Variants in CFAP43 observed in about 807,000 individuals in gnomAD.
CFAP43 encodes cilia- and flagella-associated protein 43.
In CFAP43, 155 loss-of-function variants were observed where a neutral mutation model predicts 218.9. The observed-to-expected ratio is 0.71, with a 90% CI of 0.62 to 0.81. CFAP43 has a LOEUF of 0.81. Among genes scored for constraint, CFAP43 ranks in the 30% least tolerant of loss-of-function variants. The pLI is 0.00. For synonymous variants in CFAP43, 645 were observed against 681.3 expected, an observed-to-expected ratio of 0.95 and a Z score of 0.83; for missense variants, 1,778 against 1,954.3, an observed-to-expected ratio of 0.91 and a Z score of 1.70.
chr10:104,217,120 G>A (rs75580830), intron 3 of CFAP43, among the ~76,000 whole-genome samples: 41 of 152,282 alleles, frequency 2.7e-4, no homozygotes, highest in African/African-American at 9.4e-4. Flanking sequence ...AAGGGCATGT[G>A]TCCCTCAGCA....
At position 104,168,825 on chromosome 10, in the gene CFAP43, AT is replaced by A. The variant is rs1262184082; in HGVS notation, c.2609del (p.His870LeufsTer3). Reference protein sequence around the residue: ...VAKMIKDVEMHNLAKSYLAEL... With the variant: ...VAKMIKDVEMXNLAKSYLAEL... Reference sequence around the variant, plus strand: ...CAGCCAAATAGCTCTTGGCTAAGTTATGCATCTCTACATCCTTTATCATCTT... The same window carrying A: ...CAGCCAAATAGCTCTTGGCTAAGTTAGCATCTCTACATCCTTTATCATCTT... On this transcript the variant is annotated frameshift_variant, in exon 21 of 38. Coordinates refer to ENST00000357060, the MANE Select transcript of CFAP43 (RefSeq NM_025145.7). LOFTEE classifies it high-confidence loss of function. The A allele has an allele frequency of 6.8e-6, 11 of 1,613,394 alleles. No individual in the cohort carries two copies. The highest frequency in any genetic ancestry group is 8.5e-6 in the Non-Finnish European group (10 of 1,179,676).
rs140467424 is a variant in CFAP43, at chr10:104,230,821, G to T, written c.88C>A (p.Gln30Lys). ...TTGTCGTTGACAAAATGAACATTCT[G>T]CTTAGGGAATCCTTGCACCCATCTT... ...SVRWVQGFPK[Q>K]NVHFVNDNTI... Residue 30 changes from glutamine to lysine, a missense_variant, in exon 2 of 38, where the codon CAG becomes AAG. Physicochemically the swap from Gln to Lys is moderately conservative, Grantham distance 53. This residue lies in a region of CFAP43 where 1,553 missense variants were observed against 1,685.2 expected (regional missense o/e 0.92). Transcript: ENST00000357060. The T allele has an allele frequency of 6.2e-7, 1 of 1,612,368 alleles. No individual in the cohort carries two copies. Among genetic ancestry groups the T allele is most frequent in the Non-Finnish European group, 8.5e-7 (1 of 1,179,550 alleles).
chr10:104,225,508 G>A lies in CFAP43; in HGVS notation c.369C>T (p.Thr123=). Residue 123 remains threonine, a synonymous_variant, in exon 3 of 38, where the codon ACC becomes ACT. Transcript: ENST00000357060. ...YTLLSFSYCG[T]YLASYSSLPE... The stretch of plus-strand genomic sequence containing the variant: ...GGAGAGAGGAGTAACTAGCCAGGTA[G>A]GTGCCACAGTAACTGAATGAAAGTA... 1 of 1,612,938 alleles carries A rather than the reference G, an allele frequency of 6.2e-7. No homozygotes were observed. The highest frequency in any genetic ancestry group is 8.5e-7 in the Non-Finnish European group (1 of 1,179,340).
intron 27 of CFAP43, among the ~76,000 whole-genome samples, chr10:104,153,210 T>C (rs1384249654): frequency 6.6e-6 from 1 of 152,212 alleles, no homozygotes; most frequent in Non-Finnish European, 1.5e-5. Context: ...GTTTTGTCTC[T>C]CCAAACAGTT....
chr10:104,146,151 A>T, intron 30 of CFAP43, 112 bp downstream of exon 30: 1 of 787,594 alleles, frequency 1.3e-6, no homozygotes, highest in Non-Finnish European at 2.1e-6. Context: ...GCTGAGAATT[A>T]AGTGGGAGAA....
Position 104,192,304 on chromosome 10 carries a change from T to C in CFAP43, c.1443-2A>G. The C allele has an allele frequency of 6.2e-7, 1 of 1,604,856 alleles. No homozygotes were observed. The highest frequency in any genetic ancestry group is 8.5e-7 in the Non-Finnish European group (1 of 1,173,046). The stretch of plus-strand genomic sequence containing the variant: ...AGAAATATTCCTTGCTGATCATAAC[T>C]AGAAAAGAAGAAATCTGATGATCAA... On this transcript the variant is annotated splice_acceptor_variant, in intron 11 of 37. Transcript: ENST00000357060. LOFTEE classifies it high-confidence loss of function.
chr10:104,198,014 C>A lies in CFAP43; in HGVS notation c.1120G>T (p.Gly374Cys). ...DKGSVYIYTF[G>C]KEPTLNKVLD... The stretch of plus-strand genomic sequence containing the variant: ...ACTTTATTTAAGGTTGGCTCCTTAC[C>A]AAAAGTGTAGATATAAACAGATCCC... Residue 374 changes from glycine to cysteine, a missense_variant, in exon 9 of 38, where the codon GGT becomes TGT. By Grantham distance (159) the Gly-to-Cys change is radical (BLOSUM62 -3). Coordinates refer to ENST00000357060, the MANE Select transcript of CFAP43 (RefSeq NM_025145.7). 6.2e-7 allele frequency: 1 copy of A among 1,611,378 alleles called. No individual in the cohort carries two copies. The highest frequency in any genetic ancestry group is 1.1e-5 in the South Asian group (1 of 90,882).
chr10:104,186,100 A>G lies in CFAP43; in HGVS notation c.1884T>C (p.Leu628=), dbSNP rs575815767. Residue 628 remains leucine (L), a synonymous_variant, in exon 15 of 38, where the codon CTT becomes CTC. Transcript: ENST00000357060. Reference sequence around the variant, plus strand: ...TGCTTTGTACTTTTTTGTATGGTTTAAGAATGTAGATACCGGTATGTTCCT... The same window carrying G: ...TGCTTTGTACTTTTTTGTATGGTTTGAGAATGTAGATACCGGTATGTTCCT... ...PEEEHTGIYI[L]KPYKKVQSRQ... The G allele has an allele frequency of 7.7e-6, 12 of 1,549,984 alleles. No individual in the cohort carries two copies. The African/African-American group carries it at 1.5e-4, about 20-fold the overall frequency.
chr10:104,160,151 A>T lies in CFAP43; in HGVS notation c.3540+886T>A, dbSNP rs79894458. Among the ~76,000 whole-genome samples the T allele has an allele frequency of 2.0e-5, 3 of 152,196 alleles. No individual in the cohort carries two copies. The East Asian group carries it at 5.8e-4, about 29-fold the overall frequency. On this transcript the variant is annotated intron_variant, in intron 27 of 37. Coordinates refer to ENST00000357060, the MANE Select transcript of CFAP43 (RefSeq NM_025145.7). ...AGGGACATGAGGGTGCAGGCAGTGG[A>T]CTATCTTACAACACAAAACTGTGGA...
chr10:104,131,274 T>G lies in CFAP43; in HGVS notation c.4831+57A>C, dbSNP rs928289915. ...TTTAACTGTTGTATACATTTTAGGA[T>G]TACTGATTACTTTTAAAGAAACCTA... On this transcript the variant is annotated intron_variant, in intron 37 of 37. Transcript: ENST00000357060. 2.3e-5 allele frequency: 36 copies of G among 1,564,110 alleles called. No individual in the cohort carries two copies. In the East Asian group the frequency reaches 7.2e-4, roughly 31 times the overall value.
rs1464103198 is a variant in CFAP43, at chr10:104,168,728, G to T, written c.2691+16C>A. 2.5e-6 allele frequency: 4 copies of T among 1,593,920 alleles called. No homozygotes were observed. The highest frequency in any genetic ancestry group is 3.4e-6 in the Non-Finnish European group (4 of 1,162,312). ...CAATTCTCATCAGGTTTTGTACCTA[G>T]GGTTCTATCTGTTACCTTAAGAGCT... On this transcript the variant is annotated intron_variant, in intron 21 of 37. Transcript: ENST00000357060.
chr10:104,151,571 C>T (rs888401026), intron 28 of CFAP43, among the ~76,000 whole-genome samples: 2 of 152,028 alleles, frequency 1.3e-5, no homozygotes, highest in Non-Finnish European at 2.9e-5. Flanking sequence ...CTGTTCATGT[C>T]CTTGACCACT....
intron 5 of CFAP43, among the ~76,000 whole-genome samples, chr10:104,209,306 T>A (rs556924158): frequency 6.6e-6 from 1 of 152,344 alleles, no homozygotes; most frequent in Admixed American, 6.5e-5. Flanking sequence ...TATGGCTTTA[T>A]TAATAATCCA....
At chr10:104,131,826 A>G (rs1416841760) in intron 36 of CFAP43, among the ~76,000 whole-genome samples, 1 of 152,226 alleles carries the variant, frequency 6.6e-6, no homozygotes, top group Non-Finnish European at 1.5e-5. Flanking sequence ...CCAAGGAAAG[A>G]CTACCAACAC....
At chr10:104,166,273 C>T (rs541113333) in intron 23 of CFAP43, among the ~76,000 whole-genome samples, 4 of 152,182 alleles carry the variant, frequency 2.6e-5, no homozygotes, top group Non-Finnish European at 5.9e-5. Flanking sequence ...GGGGTTTCAC[C>T]ATGTTAGCTA....
intron 3 of CFAP43, among the ~76,000 whole-genome samples, chr10:104,215,303 C>G (rs2090983108): frequency 6.6e-6 from 1 of 152,164 alleles, no homozygotes; most frequent in African/African-American, 2.4e-5. Context: ...GCTATGCCCT[C>G]AAATGAGGGG....
At chr10:104,164,381 T>C in intron 23 of CFAP43, 81 bp from the exon 24 acceptor site, 1 of 1,082,802 alleles carries the variant, frequency 9.2e-7, no homozygotes. Context: ...ATACTTTCCC[T>C]CTAAAATCAT....
intron 3 of CFAP43, chr10:104,218,729 G>T: frequency 1.9e-6 from 1 of 518,266 alleles, no homozygotes; most frequent in Non-Finnish European, 4.0e-6. Context: ...CAGAAGGTTT[G>T]TGCCCTTCCC....
Position 104,140,960 on chromosome 10 carries a change from AT to A in CFAP43, c.4312del (p.Ile1438SerfsTer10). Reference protein sequence around the residue: ...EKVRFQLNLTIQILLKQGQVE... With the variant: ...EKVRFQLNLTXQILLKQGQVE... ...TTGTCCTTGTTTAAGAAGAATTTGGATTGTCAAATTCAACTGGAATCTCACT... is the reference window on the plus strand; with the variant it reads ...TTGTCCTTGTTTAAGAAGAATTTGGATGTCAAATTCAACTGGAATCTCACT... On this transcript the variant is annotated frameshift_variant, in exon 34 of 38. Transcript: ENST00000357060. LOFTEE classifies it high-confidence loss of function. The A allele has an allele frequency of 6.2e-7, 1 of 1,612,970 alleles. No individual in the cohort carries two copies. The highest frequency in any genetic ancestry group is 1.1e-5 in the South Asian group (1 of 90,848).
Sources: gnomAD v4.1 joint callset for allele counts (sites outside exome capture counted in the v4.1 genomes callset) on GRCh38, gnomAD v4.1.1 for gene constraint, gnomAD v4.1.1 regional missense constraint, MANE v1.5 for transcripts, NCBI Gene and HGNC (gene_info 2026-07-23, HGNC 2026-07-21) for gene names.